The following HP variants were observed in gnomAD, a reference collection of about 807,000 sequenced individuals.
The protein encoded by HP is haptoglobin alpha(1S)-beta.
A neutral mutation model predicts 23.2 loss-of-function variants in HP; 9 were observed. The observed-to-expected ratio is 0.39, with a 90% CI of 0.23 to 0.68. The LOEUF is 0.68. Among genes scored for constraint, HP ranks in the 30% least tolerant of loss-of-function variants. The pLI, the probability that HP is intolerant of heterozygous loss-of-function variation, is 0.47. For missense variants in HP, 433 were observed against 483.6 expected (o/e 0.90, Z 0.98); for synonymous variants, 155 against 183.3 (o/e 0.85, Z 1.25).
chr16:72,060,136 C>T lies in HP; in HGVS notation c.467C>T (p.Ala156Val). ...GTATGTGGGAAGCCCAAGAATCCGG[C>T]AAACCCAGTGCAGCGGATCCTGGGT... is the stretch of plus-strand genomic sequence containing the variant. ...EAVCGKPKNP[A>V]NPVQRILGGH... Residue 156 changes from alanine to valine, a missense_variant, in exon 7 of 7, where the codon GCA becomes GTA. Ala to Val is a moderately conservative substitution (Grantham distance 64). Around this residue, in one of 3 missense-constraint regions of HP, gnomAD observed 326 missense variants for 358.1 expected, o/e 0.91. Transcript: ENST00000355906. 6.2e-7 allele frequency: 1 copy of T among 1,613,728 alleles called. No individual in the cohort carries two copies. Among genetic ancestry groups the T allele is most frequent in the East Asian group, 2.2e-5 (1 of 44,758 alleles).
chr16:72,059,063 G>A (rs369153429), intron 5 of HP, 51 bp from the exon 6 acceptor site: 13 of 1,502,868 alleles, frequency 8.7e-6, no homozygotes, highest in South Asian at 5.6e-5. Flanking sequence ...CACTCTGCAC[G>A]GGGTCTAGAC....
rs1459203544 is a variant in HP, at chr16:72,057,414, G to A, written c.213G>A (p.Lys71=). 9.3e-7 allele frequency: 1 copy of A among 1,077,390 alleles called. No individual in the cohort carries two copies. The highest frequency in any genetic ancestry group is 1.4e-6 in the Non-Finnish European group (1 of 735,292). The allele number at this position is 1,077,390 out of a possible 1,614,324, so 66.7% of individuals were successfully genotyped here. ...CAGGAGTATACACCTTAAATGATAA[G>A]AAGCAGTGGATAAATAAGGCTGTTG... The part of the protein sequence containing the change: ...EGDGVYTLND[K]KQWINKAVGD... The change falls in exon 4 of 7, where the codon AAG becomes AAA. Residue 71 remains lysine, a synonymous_variant. Transcript: ENST00000355906.
At chr16:72,056,427 G>A in intron 2 of HP, 103 bp from the exon 3 acceptor site, 1 of 1,565,114 alleles carries the variant, frequency 6.4e-7, no homozygotes, top group Non-Finnish European at 8.7e-7. Flanking sequence ...ATTCGGGGTG[G>A]AAGGAGATTG....
chr16:72,058,979 A>G, intron 5 of HP, 135 bp from the exon 6 acceptor site: 1 of 997,092 alleles, frequency 1.0e-6, no homozygotes, highest in Non-Finnish European at 1.5e-6. Flanking sequence ...TCCTTCTCAT[A>G]TACTCTCTCC....
intron 6 of HP, 186 bp from the exon 7 acceptor site, chr16:72,059,926 C>T (rs1172263894): frequency 1.5e-6 from 2 of 1,347,672 alleles, no homozygotes; most frequent in African/African-American, 1.5e-5. Context: ...GTAATGTAAA[C>T]AATTTAAAAA....
At chr16:72,059,913 T>C in intron 6 of HP, 199 bp from the exon 7 acceptor site, 2 of 1,297,044 alleles carry the variant, frequency 1.5e-6, no homozygotes, top group Non-Finnish European at 2.1e-6. Context: ...AATAGAGCTT[T>C]TTGTAATGTA....
In HP at chr16:72,056,157, G is replaced by A. The variant is rs192501772; in HGVS notation, c.6-4G>A. The A allele has an allele frequency of 9.0e-5, 145 of 1,613,712 alleles. No homozygotes were observed. The African/African-American group carries it at 1.5e-3, about 17-fold the overall frequency. On this transcript the variant is annotated splice_polypyrimidine_tract_variant and splice_region_variant and intron_variant, in intron 1 of 6. Transcript: ENST00000355906. ...TTCCACTCCTCCTTGTCTTCTCTCT[G>A]CAGTGCCCTGGGAGCTGTCATTGCC...
In HP at chr16:72,060,695, C is replaced by T. The variant is rs372285449; in HGVS notation, c.1026C>T (p.Gly342=). 43 of 1,614,028 alleles carry T rather than the reference C, an allele frequency of 2.7e-5. No homozygotes were observed. Among genetic ancestry groups the T allele is most frequent in the Non-Finnish European group, 3.6e-5 (42 of 1,180,030 alleles). ...TGAATGAACACACCTTCTGTGCTGG[C>T]ATGTCTAAGTACCAAGAAGACACCT... ...PILNEHTFCA[G]MSKYQEDTCY... is the part of the protein sequence containing the mutation. The change falls in exon 7 of 7, where the codon GGC becomes GGT. Residue 342 remains glycine (G), a synonymous_variant. Coordinates refer to ENST00000355906, the MANE Select transcript of HP (RefSeq NM_005143.5).
chr16:72,056,270 G>A (rs374879127), intron 2 of HP, 27 bp downstream of exon 2: 88 of 1,605,698 alleles, frequency 5.5e-5, no homozygotes, highest in Non-Finnish European at 7.2e-5. Flanking sequence ...GTAGGAGTGT[G>A]CATCCCACTC....
Position 72,059,197 on chromosome 16 carries a change from T to C in HP, c.442+9T>C, listed in dbSNP as rs1471534655. 6.4e-7 allele frequency: 1 copy of C among 1,565,246 alleles called. No homozygotes were observed. The highest frequency in any genetic ancestry group is 8.7e-7 in the Non-Finnish European group (1 of 1,148,654). On this transcript the variant is annotated intron_variant, in intron 6 of 6. Transcript: ENST00000355906. ...TCCTGAATGTGAAGCAGGTGGGTGC[T>C]GAGCACTTAAGAGAGCAGGCAGGCG...
rs111837860 is a variant in HP, at chr16:72,060,674, T to C, written c.1005T>C (p.Asn335=). 2.9e-4 allele frequency: 469 copies of C among 1,614,082 alleles called. 2 individuals are homozygous for C. Among genetic ancestry groups the C allele is most frequent in the African/African-American group, 2.5e-3 (191 of 75,032 alleles). Reference sequence around the variant, plus strand: ...CTGTAGGGGTGCAGCCCATACTGAATGAACACACCTTCTGTGCTGGCATGT... The same window carrying C: ...CTGTAGGGGTGCAGCCCATACTGAACGAACACACCTTCTGTGCTGGCATGT... ...KSPVGVQPIL[N]EHTFCAGMSK... is the part of the protein sequence containing the mutation. Residue 335 remains asparagine, a synonymous_variant, in exon 7 of 7, where the codon AAT becomes AAC. Coordinates refer to ENST00000355906, the MANE Select transcript of HP (RefSeq NM_005143.5).
rs750845655 is a variant in HP, at chr16:72,060,328, C to T, written c.659C>T (p.Thr220Ile). The change falls in exon 7 of 7, where the codon ACT (threonine) becomes ATT (isoleucine). Residue 220 changes from threonine to isoleucine, a missense_variant. Coordinates refer to ENST00000355906, the MANE Select transcript of HP (RefSeq NM_005143.5). The part of the protein sequence containing the change: ...ENATAKDIAP[T>I]LTLYVGKKQL... ...GCAACAGCGAAAGACATTGCCCCTA[C>T]TTTAACACTCTATGTGGGGAAAAAG... 1.7e-5 allele frequency: 28 copies of T among 1,614,028 alleles called. No homozygotes were observed. Among genetic ancestry groups the T allele is most frequent in the African/African-American group, 2.7e-5 (2 of 74,922 alleles).
intron 2 of HP, 25 bp downstream of exon 2, chr16:72,056,268 G>C (rs765428685): frequency 6.2e-7 from 1 of 1,608,016 alleles, no homozygotes; most frequent in East Asian, 2.2e-5. Flanking sequence ...GGGTAGGAGT[G>C]TGCATCCCAC....
chr16:72,055,025 G>T, intron 1 of HP: 1 of 415,028 alleles, frequency 2.4e-6, no homozygotes, highest in Non-Finnish European at 4.4e-6. Flanking sequence ...ACATTTGAAT[G>T]ACACAATTAA....
intron 6 of HP, chr16:72,059,681 C>G (rs1186630213): frequency 3.6e-6 from 1 of 277,994 alleles, no homozygotes; most frequent in Non-Finnish European, 6.8e-6. Context: ...CAACCTGCCT[C>G]GTATTAACTG....
chr16:72,056,229 T>C lies in HP; in HGVS notation c.74T>C (p.Val25Ala). ...TTTGCAGTGGACTCAGGCAATGATG[T>C]CACGGATATCGCAGGTCAGTCTTTG... ...QLFAVDSGND[V>A]TDIADDGCPK... Residue 25 changes from valine to alanine, a missense_variant, in exon 2 of 7, where the codon GTC (valine) becomes GCC (alanine). Val to Ala is a moderately conservative substitution (Grantham distance 64, BLOSUM62 0). Around this residue, in one of 3 missense-constraint regions of HP, gnomAD observed 71 missense variants for 54.2 expected, o/e 1.31. Coordinates refer to ENST00000355906, the MANE Select transcript of HP (RefSeq NM_005143.5). 1.9e-6 allele frequency: 3 copies of C among 1,613,952 alleles called. No individual in the cohort carries two copies. The highest frequency in any genetic ancestry group is 2.5e-6 in the Non-Finnish European group (3 of 1,179,906).
intron 1 of HP, chr16:72,055,661 A>T (rs530530993): frequency 1.6e-5 from 3 of 188,952 alleles, no homozygotes; most frequent in African/African-American, 6.9e-5. Flanking sequence ...GTTTAAAATT[A>T]TATATTTAAG....
In HP at chr16:72,054,541, T is replaced by C. The variant is rs1358574611; in HGVS notation, c.-112T>C. On this transcript the variant is annotated 5_prime_UTR_variant, in exon 1 of 7. Coordinates refer to ENST00000355906, the MANE Select transcript of HP (RefSeq NM_005143.5). ...TAGTGACCTTACCAGGGCCAAAGTTTGTAGACACAGGAATTACGAAATGGA... is the reference window on the plus strand; with the variant it reads ...TAGTGACCTTACCAGGGCCAAAGTTCGTAGACACAGGAATTACGAAATGGA... The C allele has an allele frequency of 1.3e-6, 2 of 1,575,592 alleles. No homozygotes were observed. Among genetic ancestry groups the C allele is most frequent in the African/African-American group, 1.4e-5 (1 of 73,830 alleles).
intron 1 of HP, 167 bp from the exon 2 acceptor site, chr16:72,055,994 T>C (rs1597408154): frequency 8.1e-7 from 1 of 1,231,292 alleles, no homozygotes; most frequent in South Asian, 1.3e-5. Flanking sequence ...AATTTCTTGG[T>C]CCTAGCACTT....
Sources: gnomAD v4.1 joint callset for allele counts on GRCh38, gnomAD v4.1.1 for gene constraint, gnomAD v4.1.1 regional missense constraint, MANE v1.5 for transcripts, NCBI Gene and HGNC (gene_info 2026-07-23, HGNC 2026-07-21) for gene names.